The following SLC39A9 variants were observed in gnomAD, a reference collection of about 807,000 sequenced individuals.
SLC39A9 encodes the protein zinc transporter ZIP9.
SLC39A9 carries 14 observed loss-of-function variants against 28.4 expected under a neutral mutation model. That is an observed-to-expected ratio of 0.49 (90% confidence interval 0.33 to 0.77). The LOEUF (loss-of-function observed/expected upper bound fraction) is 0.77. SLC39A9 is among the 30% of genes least tolerant of loss of function. The pLI, the probability that SLC39A9 is intolerant of heterozygous loss-of-function variation, is 0.02. For missense variants in SLC39A9, 283 were observed against 381.1 expected, an observed-to-expected ratio of 0.74 and a Z score of 2.14; for synonymous variants, 119 against 149.6, an observed-to-expected ratio of 0.80 and a Z score of 1.49.
rs544125840 is a variant in SLC39A9, at chr14:69,408,970, A to G, written c.96+9505A>G. Among the ~76,000 whole-genome samples, 531 of 152,346 alleles carry G rather than the reference A, an allele frequency of 3.5e-3. 1 individual carries two copies. The highest frequency in any genetic ancestry group is 0.02 in the Middle Eastern group (6 of 294). On this transcript the variant is annotated intron_variant, in intron 1 of 6. Transcript: ENST00000336643. Reference sequence around the variant, plus strand: ...CATGTCAACTGATATGTCAGGTTCTACGTTGATTTTAACAGTAACCTTGAA... The same window carrying G: ...CATGTCAACTGATATGTCAGGTTCTGCGTTGATTTTAACAGTAACCTTGAA...
Position 69,458,375 on chromosome 14 carries a change from G to A in SLC39A9, c.706G>A (p.Ala236Thr). Residue 236 changes from alanine to threonine, a missense_variant, in exon 7 of 7, where the codon GCC becomes ACC. Physicochemically the swap from Ala to Thr is moderately conservative, Grantham distance 58. Coordinates refer to ENST00000336643, the MANE Select transcript of SLC39A9 (RefSeq NM_018375.5). ...YLGLSKSSKE[A>T]LSEVNATGVA... ...TTCTAATTCACAGAGCAGTAAAGAA[G>A]CCCTTTCAGAGGTGAACGCCACGGG... 1 of 1,614,170 alleles carries A rather than the reference G, an allele frequency of 6.2e-7. No individual in the cohort carries two copies. The highest frequency in any genetic ancestry group is 8.5e-7 in the Non-Finnish European group (1 of 1,180,044).
intron 1 of SLC39A9, among the ~76,000 whole-genome samples, chr14:69,408,105 T>C (rs1883045106): frequency 6.6e-6 from 1 of 151,326 alleles, no homozygotes; most frequent in South Asian, 2.1e-4. Flanking sequence ...CCTCTCTCTT[T>C]GGGTTCAAGT....
rs762505377 is a variant in SLC39A9, at chr14:69,461,683, TTC to T, written c.*3094_*3095del. On this transcript the variant is annotated 3_prime_UTR_variant, in exon 7 of 7. Coordinates refer to ENST00000336643, the MANE Select transcript of SLC39A9 (RefSeq NM_018375.5). ...ACTTCTAAGTGTCACTGCCTGGTTT[TTC>T]TCTTTTTCAAGGATTAGAACTAAGA... The T allele has an allele frequency of 2.8e-5, 43 of 1,535,914 alleles. No individual in the cohort carries two copies. Among genetic ancestry groups the T allele is most frequent in the Non-Finnish European group, 3.5e-5 (40 of 1,146,886 alleles).
At chr14:69,452,916 G>A (rs1422790453) in intron 3 of SLC39A9, among the ~76,000 whole-genome samples, 1 of 152,180 alleles carries the variant, frequency 6.6e-6, no homozygotes, top group African/African-American at 2.4e-5. Flanking sequence ...ATAGGAGGAA[G>A]TTGGGGCCAT....
chr14:69,410,193 CATT>C (rs1304627624), intron 1 of SLC39A9, among the ~76,000 whole-genome samples: 2 of 152,110 alleles, frequency 1.3e-5, no homozygotes, highest in Non-Finnish European at 2.9e-5. Flanking sequence ...GAGGAAATGG[CATT>C]AATAAAGTAC....
chr14:69,400,680 G>A (rs553312734), intron 1 of SLC39A9, among the ~76,000 whole-genome samples: 1 of 152,302 alleles, frequency 6.6e-6, no homozygotes, highest in African/African-American at 2.4e-5. Context: ...GGTGAAAATA[G>A]CCTGTGGGTG....
intron 1 of SLC39A9, among the ~76,000 whole-genome samples, chr14:69,423,180 T>C (rs986666425): frequency 6.6e-6 from 1 of 152,220 alleles, no homozygotes; most frequent in Admixed American, 6.5e-5. Flanking sequence ...ATAAATATTT[T>C]TTATAAATAT....
chr14:69,449,853 G>T (rs1885519131), intron 3 of SLC39A9, among the ~76,000 whole-genome samples: 1 of 152,042 alleles, frequency 6.6e-6, no homozygotes, highest in Admixed American at 6.6e-5. Context: ...CTCTGTGTGT[G>T]TGTGTGTGTG....
chr14:69,400,978 C>CT (rs1269063499), intron 1 of SLC39A9, among the ~76,000 whole-genome samples: 4 of 144,956 alleles, frequency 2.8e-5, no homozygotes, highest in East Asian at 4.0e-4. Context: ...GACTCTTTCT[C>CT]TTAAAAAAAA....
At chr14:69,446,940 A>C (rs1055154454) in intron 3 of SLC39A9, among the ~76,000 whole-genome samples, 36 of 139,484 alleles carry the variant, frequency 2.6e-4, no homozygotes, top group African/African-American at 9.2e-4. Flanking sequence ...ATATATATAT[A>C]TATATATAGA....
At chr14:69,441,297 G>T (rs142925255) in intron 2 of SLC39A9, among the ~76,000 whole-genome samples, 2 of 152,220 alleles carry the variant, frequency 1.3e-5, no homozygotes, top group East Asian at 1.9e-4. Context: ...TTTAAAGAAG[G>T]CTTAAACTGC....
intron 4 of SLC39A9, among the ~76,000 whole-genome samples, chr14:69,453,723 T>C (rs1670759797): frequency 6.6e-6 from 1 of 152,132 alleles, no homozygotes; most frequent in South Asian, 2.1e-4. Context: ...GTTAGGGTGA[T>C]GGCAATAAAA....
At chr14:69,405,730 G>A (rs929025744) in intron 1 of SLC39A9, among the ~76,000 whole-genome samples, 1 of 152,096 alleles carries the variant, frequency 6.6e-6, no homozygotes, top group African/African-American at 2.4e-5. Context: ...ACTAAGTTTG[G>A]ATCAAATAAA....
chr14:69,460,665 C>T lies in SLC39A9; in HGVS notation c.*2072C>T, dbSNP rs1474424835. On this transcript the variant is annotated 3_prime_UTR_variant, in exon 7 of 7. Transcript: ENST00000336643. ...CTTGCCATCATGCTTAAAAGTTTGG[C>T]TAGTATATCTTGCTGGATGGAGCCT... 1.0e-6 allele frequency: 1 copy of T among 985,292 alleles called. No individual in the cohort carries two copies. Among genetic ancestry groups the T allele is most frequent in the African/African-American group, 1.7e-5 (1 of 57,232 alleles). The allele number at this position is 985,292 out of a possible 1,614,324, so 61.0% of individuals were successfully genotyped here.
At position 69,460,801 on chromosome 14, in the gene SLC39A9, A is replaced by G. The variant is rs73275024; in HGVS notation, c.*2208A>G. 8,024 of 985,408 alleles carry G rather than the reference A, an allele frequency of 8.1e-3. 540 individuals carry two copies. In the African/African-American group the frequency reaches 0.13, roughly 16 times the overall value. The allele number at this position is 985,408 out of a possible 1,614,324, so 61.0% of individuals were successfully genotyped here. A position where few individuals can be genotyped will look rare whatever the true frequency, so the allele number is the denominator to read the frequency against. On this transcript the variant is annotated 3_prime_UTR_variant, in exon 7 of 7. Coordinates refer to ENST00000336643, the MANE Select transcript of SLC39A9 (RefSeq NM_018375.5). ...CCCTCTTAGCTCTCAGAAGCTATGT[A>G]TGGGCTTTCCCAGATTTTAAAGCTG...
At chr14:69,442,358 A>G in intron 3 of SLC39A9, 92 bp downstream of exon 3, 5 of 1,213,036 alleles carry the variant, frequency 4.1e-6, no homozygotes, top group Non-Finnish European at 5.9e-6. Context: ...ATCAGTGGCC[A>G]TATTTAGTGC....
intron 1 of SLC39A9, among the ~76,000 whole-genome samples, chr14:69,400,730 A>G (rs1316706339): frequency 1.3e-5 from 2 of 152,212 alleles, no homozygotes; most frequent in East Asian, 1.9e-4. Flanking sequence ...TTTGAGGAAA[A>G]GTAAAGCCCA....
intron 3 of SLC39A9, 69 bp downstream of exon 3, chr14:69,442,335 T>C: frequency 6.8e-7 from 1 of 1,461,136 alleles, no homozygotes. Flanking sequence ...AACGATCAAA[T>C]ATTTCAGTCT....
intron 3 of SLC39A9, among the ~76,000 whole-genome samples, chr14:69,448,357 A>G (rs1885444954): frequency 6.6e-6 from 1 of 152,198 alleles, no homozygotes; most frequent in Admixed American, 6.5e-5. Flanking sequence ...ATATAACAAA[A>G]TCTGACTATC....
Sources: gnomAD v4.1 joint callset for allele counts (sites outside exome capture counted in the v4.1 genomes callset) on GRCh38, gnomAD v4.1.1 for gene constraint, MANE v1.5 for transcripts, NCBI Gene and HGNC (gene_info 2026-07-23, HGNC 2026-07-21) for gene names.